The following TRPC4AP variants were observed in gnomAD, a reference collection of about 807,000 sequenced individuals.
TRPC4AP encodes the protein transient receptor potential cation channel subfamily C member 4 associated protein, also known as short transient receptor potential channel 4-associated protein.
Under a neutral mutation model 99.0 loss-of-function variants are expected in TRPC4AP, and 45 were observed. The observed-to-expected ratio is 0.45, with a 90% confidence interval of 0.36 to 0.58. The LOEUF (loss-of-function observed/expected upper bound fraction) is 0.58, where lower values mean the gene tolerates loss of function less well. Ranked by LOEUF, TRPC4AP falls within the 20% of genes least tolerant of loss-of-function variation. The pLI, the probability that TRPC4AP is intolerant of heterozygous loss-of-function variation, is 0.00. For synonymous variants in TRPC4AP, 408 were observed against 385.8 expected (o/e 1.06, Z -0.67); for missense variants, 879 against 985.3 (o/e 0.89, Z 1.44).
chr20:35,010,220 A>AT lies in TRPC4AP; in HGVS notation c.1477dup (p.Ile493AsnfsTer3). On this transcript the variant is annotated frameshift_variant, in exon 12 of 19. Transcript: ENST00000252015. LOFTEE classifies it high-confidence loss of function. The stretch of plus-strand genomic sequence containing the variant: ...GTTGAGGACAGCTTCCACCTCAGGG[A>AT]TGTTGGCCTTGAGAGAGATGGCACT... 1 of 1,614,158 alleles carries AT rather than the reference A, an allele frequency of 6.2e-7. No individual in the cohort carries two copies. Among genetic ancestry groups the AT allele is most frequent in the South Asian group, 1.1e-5 (1 of 91,084 alleles).
At chr20:35,075,439 G>T (rs1363040837) in intron 2 of TRPC4AP, among the ~76,000 whole-genome samples, 1 of 152,156 alleles carries the variant, frequency 6.6e-6, no homozygotes, top group Non-Finnish European at 1.5e-5. Context: ...AGGAGCTCTT[G>T]TAAGGCAGGC....
intron 7 of TRPC4AP, among the ~76,000 whole-genome samples, chr20:35,044,202 G>A (rs1187691324): frequency 6.6e-6 from 1 of 151,710 alleles, no homozygotes; most frequent in African/African-American, 2.4e-5. Context: ...ACCAGCCTGG[G>A]CAACATGGCG....
At chr20:35,070,525 C>T (rs1189420462) in intron 2 of TRPC4AP, among the ~76,000 whole-genome samples, 1 of 152,090 alleles carries the variant, frequency 6.6e-6, no homozygotes, top group Non-Finnish European at 1.5e-5. Flanking sequence ...ATTCTCCTGC[C>T]TCAGCCTCCC....
chr20:35,046,385 C>T (rs930848040), intron 6 of TRPC4AP, among the ~76,000 whole-genome samples: 11 of 152,304 alleles, frequency 7.2e-5, no homozygotes, highest in Middle Eastern at 3.4e-3. Context: ...CAGATAACAC[C>T]TGCTATCCTT....
At chr20:35,049,831 C>G (rs2083652987) in intron 6 of TRPC4AP, 35 bp downstream of exon 6, 1 of 1,590,288 alleles carries the variant, frequency 6.3e-7, no homozygotes, top group African/African-American at 1.3e-5. Context: ...CTGAGACACC[C>G]TTCCCCATCT....
At chr20:35,083,068 CATT>C (rs1478993550) in intron 1 of TRPC4AP, among the ~76,000 whole-genome samples, 1 of 152,088 alleles carries the variant, frequency 6.6e-6, no homozygotes, top group Non-Finnish European at 1.5e-5. Context: ...ATAAAAGATT[CATT>C]TGCAGATGAT....
intron 1 of TRPC4AP, among the ~76,000 whole-genome samples, chr20:35,084,312 T>G (rs921045150): frequency 6.6e-6 from 1 of 151,154 alleles, no homozygotes; most frequent in African/African-American, 2.4e-5. Flanking sequence ...TTTAAAAGGA[T>G]GCATTATACC....
intron 11 of TRPC4AP, among the ~76,000 whole-genome samples, chr20:35,011,181 C>T (rs551651821): frequency 2.2e-4 from 33 of 152,220 alleles, no homozygotes; most frequent in African/African-American, 7.5e-4. Flanking sequence ...TGCTTGAACC[C>T]AGAAGGTGGA....
At chr20:35,058,116 T>C (rs987246171) in intron 3 of TRPC4AP, among the ~76,000 whole-genome samples, 6 of 152,132 alleles carry the variant, frequency 3.9e-5, no homozygotes, top group Non-Finnish European at 7.3e-5. Flanking sequence ...ATTAGAAAGA[T>C]ATAACAACTA....
At chr20:35,081,038 A>T (rs972333204) in intron 1 of TRPC4AP, among the ~76,000 whole-genome samples, 2 of 152,162 alleles carry the variant, frequency 1.3e-5, no homozygotes, top group African/African-American at 2.4e-5. Flanking sequence ...ACAATGGGTA[A>T]ATTTTATTGT....
At chr20:35,078,569 G>C (rs979374141) in intron 1 of TRPC4AP, among the ~76,000 whole-genome samples, 2 of 152,150 alleles carry the variant, frequency 1.3e-5, no homozygotes, top group African/African-American at 4.8e-5. Flanking sequence ...GGCAGAAAAA[G>C]AGGGGAAGAC....
At chr20:35,016,891 A>C (rs2082767336) in intron 9 of TRPC4AP, among the ~76,000 whole-genome samples, 1 of 152,238 alleles carries the variant, frequency 6.6e-6, no homozygotes, top group South Asian at 2.1e-4. Context: ...AAGATGACAA[A>C]GCTTTATAAG....
At chr20:35,022,422 C>T (rs1004423317) in intron 8 of TRPC4AP, among the ~76,000 whole-genome samples, 15 of 152,232 alleles carry the variant, frequency 9.9e-5, no homozygotes, top group Non-Finnish European at 1.6e-4. Context: ...TCCCAAAGTG[C>T]TGGGATTACA....
At chr20:35,023,658 C>G (rs6060162) in intron 8 of TRPC4AP, among the ~76,000 whole-genome samples, 89,275 of 152,122 alleles carry the variant, frequency 0.59, 27,194 homozygotes, top group Middle Eastern at 0.74. Flanking sequence ...GTCAGCTAAT[C>G]TGTGAAGTGA....
intron 8 of TRPC4AP, among the ~76,000 whole-genome samples, chr20:35,028,759 G>T (rs1206386195): frequency 1.3e-5 from 2 of 152,170 alleles, no homozygotes; most frequent in Non-Finnish European, 2.9e-5. Flanking sequence ...ATTATTAAAA[G>T]TAGTATGTTA....
At chr20:35,031,749 C>G (rs972411401) in intron 8 of TRPC4AP, among the ~76,000 whole-genome samples, 4 of 151,850 alleles carry the variant, frequency 2.6e-5, no homozygotes, top group African/African-American at 9.7e-5. Context: ...TATTTTAAGG[C>G]CCTGTTTTCT....
intron 2 of TRPC4AP, among the ~76,000 whole-genome samples, chr20:35,074,725 G>T (rs955114816): frequency 6.6e-6 from 1 of 152,166 alleles, no homozygotes; most frequent in Non-Finnish European, 1.5e-5. Context: ...GCGACGTGGC[G>T]CTGAGAAGAA....
At position 35,009,308 on chromosome 20, in the gene TRPC4AP, G is replaced by A. The variant is rs114555670; in HGVS notation, c.1512-561C>T. ...TGCTGTGATCCACTGCAGACATCAG[G>A]GCAGGACTGGGTACAATTTTATTTG... On this transcript the variant is annotated intron_variant, in intron 12 of 18. Transcript: ENST00000252015. 4.0e-3 allele frequency among the ~76,000 whole-genome samples: 610 copies of A among 152,274 alleles called. 2 individuals are homozygous for A. Among genetic ancestry groups the A allele is most frequent in the African/African-American group, 0.014 (586 of 41,548 alleles).
chr20:35,042,031 C>A (rs920928379), intron 7 of TRPC4AP, among the ~76,000 whole-genome samples: 1 of 152,180 alleles, frequency 6.6e-6, no homozygotes, highest in Non-Finnish European at 1.5e-5. Context: ...TAAAATTATA[C>A]TTTAAGTTCT....
Sources: allele counts gnomAD v4.1 joint callset (sites outside exome capture counted in the v4.1 genomes callset), GRCh38; gene constraint gnomAD v4.1.1; transcripts MANE v1.5; gene names NCBI Gene and HGNC (gene_info 2026-07-23, HGNC 2026-07-21).